Variants in PLA2G4A observed in about 807,000 individuals in gnomAD.
PLA2G4A encodes cytosolic phospholipase A2.
Under a neutral mutation model 81.9 loss-of-function variants are expected in PLA2G4A, and 40 were observed. The observed-to-expected ratio is 0.49, with a 90% CI of 0.38 to 0.64. The LOEUF is 0.64. Among genes scored for constraint, PLA2G4A ranks in the 30% least tolerant of loss-of-function variants. PLA2G4A has a pLI of 0.00. For missense variants in PLA2G4A, 715 were observed against 905.1 expected, an observed-to-expected ratio of 0.79 and a Z score of 2.69; for synonymous variants, 302 against 296.9, an observed-to-expected ratio of 1.02 and a Z score of -0.18.
In PLA2G4A at chr1:186,835,278, G is replaced by A. The variant is rs555348800; in HGVS notation, c.-70+6243G>A. Among the ~76,000 whole-genome samples, 18 of 152,262 alleles carry A rather than the reference G, an allele frequency of 1.2e-4. No homozygotes were observed. In the South Asian group the frequency reaches 3.7e-3, roughly 31 times the overall value. ...AAAAAAGTATTTTTGCAGAATTCTT[G>A]GATCTATAAGAAGAGACAGTGTCTG... is the stretch of plus-strand genomic sequence containing the variant. On this transcript the variant is annotated intron_variant, in intron 1 of 17. Transcript: ENST00000367466.
chr1:186,975,647 T>C (rs2102292681), intron 15 of PLA2G4A, among the ~76,000 whole-genome samples: 1 of 152,274 alleles, frequency 6.6e-6, no homozygotes, highest in South Asian at 2.1e-4. Flanking sequence ...TGAGATGGGA[T>C]TGGGAGCCTG....
Position 186,890,851 on chromosome 1 carries a change from C to CAA in PLA2G4A, c.116-2146_116-2145dup, listed in dbSNP as rs11390247. On this transcript the variant is annotated intron_variant, in intron 3 of 17. Transcript: ENST00000367466. ...CTGGCAACAGAGCAAGACTCTGTCT[C>CAA]AAAAAAAAAAAAAAAGGAAAAGAAA... Among the ~76,000 whole-genome samples the CAA allele has an allele frequency of 1.2e-3, 161 of 130,596 alleles. 1 individual carries two copies. The highest frequency in any genetic ancestry group is 4.0e-3 in the Middle Eastern group (1 of 248). 85.7% of individuals were successfully genotyped at this position (130,596 alleles called of 152,430 possible). A position where few individuals can be genotyped will look rare whatever the true frequency, so the allele number is the denominator to read the frequency against.
chr1:186,957,623 A>G (rs897938116), intron 14 of PLA2G4A, among the ~76,000 whole-genome samples: 2 of 152,222 alleles, frequency 1.3e-5, no homozygotes, highest in Non-Finnish European at 2.9e-5. Flanking sequence ...GCCAGCCTGT[A>G]GTGTTCACTA....
intron 1 of PLA2G4A, among the ~76,000 whole-genome samples, chr1:186,834,005 T>C (rs1651689319): frequency 6.6e-6 from 1 of 152,194 alleles, no homozygotes; most frequent in South Asian, 2.1e-4. Flanking sequence ...TTCCCCAATC[T>C]TCCTCTTCAT....
At chr1:186,962,482 TTTATTTTATTTA>T (rs1240450680) in intron 14 of PLA2G4A, among the ~76,000 whole-genome samples, 1 of 127,616 alleles carries the variant, frequency 7.8e-6, no homozygotes, top group Non-Finnish European at 1.6e-5. Flanking sequence ...TTGTAGTTAT[TTTATTTTATTTA>T]TTTATTTATT....
chr1:186,876,253 T>C (rs1016352068), intron 3 of PLA2G4A, among the ~76,000 whole-genome samples: 3 of 152,168 alleles, frequency 2.0e-5, no homozygotes, highest in African/African-American at 7.2e-5. Flanking sequence ...ATAAAGTAGA[T>C]ATTCTAAATA....
intron 7 of PLA2G4A, among the ~76,000 whole-genome samples, chr1:186,921,352 G>C (rs1232710164): frequency 6.6e-6 from 1 of 152,194 alleles, no homozygotes; most frequent in African/African-American, 2.4e-5. Flanking sequence ...AGGATTATGA[G>C]TCTGTATAAT....
At chr1:186,963,787 G>T (rs1657038666) in intron 14 of PLA2G4A, among the ~76,000 whole-genome samples, 1 of 152,084 alleles carries the variant, frequency 6.6e-6, no homozygotes, top group South Asian at 2.1e-4. Context: ...TAGAACGTTG[G>T]ATATTAATGT....
rs148309263 is a variant in PLA2G4A at position 186,897,602 on chromosome 1, A to G, written c.378+3391A>G. Among the ~76,000 whole-genome samples, 1,051 of 152,160 alleles carry G rather than the reference A, an allele frequency of 6.9e-3. 15 individuals carry two copies. The highest frequency in any genetic ancestry group is 0.023 in the African/African-American group (942 of 41,504). On this transcript the variant is annotated intron_variant, in intron 5 of 17. Transcript: ENST00000367466. ...TGCTTCACTGCAACTTCTGCCTCCCAAGTTCAAGCCATTCCCGTGTCTCAG... is the reference window on the plus strand; with the variant it reads ...TGCTTCACTGCAACTTCTGCCTCCCGAGTTCAAGCCATTCCCGTGTCTCAG...
chr1:186,977,763 C>T lies in PLA2G4A; in HGVS notation c.1935C>T (p.Ile645=). Residue 645 remains isoleucine (I), a synonymous_variant, in exon 16 of 18, where the codon ATC becomes ATT. Transcript: ENST00000367466. ...TCATCCACTTTGTTCTGGCCAACAT[C>T]AACTTCAGAAAGTACAGGGCTCCAG... ...PTIIHFVLAN[I]NFRKYRAPGV... 1 of 1,612,822 alleles carries T rather than the reference C, an allele frequency of 6.2e-7. No homozygotes were observed. Among genetic ancestry groups the T allele is most frequent in the African/African-American group, 1.3e-5 (1 of 75,000 alleles).
At chr1:186,988,333 G>A (rs761731128) in intron 17 of PLA2G4A, 44 bp from the exon 18 acceptor site, 1 of 1,510,654 alleles carries the variant, frequency 6.6e-7, no homozygotes, top group East Asian at 2.3e-5. Flanking sequence ...ATATAAATGA[G>A]TTCATAGCAG....
intron 3 of PLA2G4A, among the ~76,000 whole-genome samples, chr1:186,891,350 T>C (rs1654131619): frequency 1.3e-5 from 2 of 152,182 alleles, no homozygotes; most frequent in South Asian, 4.1e-4. Context: ...AATTAGGTTA[T>C]TATTGACTAT....
intron 2 of PLA2G4A, among the ~76,000 whole-genome samples, chr1:186,856,097 C>CA (rs1652541152): frequency 6.6e-6 from 1 of 151,898 alleles, no homozygotes; most frequent in Admixed American, 6.6e-5. Flanking sequence ...CATGCATGTA[C>CA]ACGCACATGC....
At chr1:186,978,322 G>C (rs1241311375) in intron 16 of PLA2G4A, among the ~76,000 whole-genome samples, 1 of 151,952 alleles carries the variant, frequency 6.6e-6, no homozygotes, top group Admixed American at 6.6e-5. Context: ...TGTGTATCCT[G>C]GAAAATGTTG....
At chr1:186,914,480 CCCTGAGTGAGTAATT>C (rs1304852847) in intron 7 of PLA2G4A, among the ~76,000 whole-genome samples, 1 of 149,454 alleles carries the variant, frequency 6.7e-6, no homozygotes, top group Non-Finnish European at 1.5e-5. Context: ...GAGCCGAGCT[CCCTGAGTGAGTAATT>C]CCTATCCCTT....
intron 1 of PLA2G4A, among the ~76,000 whole-genome samples, chr1:186,851,313 A>G (rs962226412): frequency 2.0e-5 from 3 of 152,028 alleles, no homozygotes; most frequent in Admixed American, 6.6e-5. Flanking sequence ...TAAAGGCTTC[A>G]TGCTCTTGGG....
chr1:186,869,368 C>T (rs1277736877), intron 2 of PLA2G4A, among the ~76,000 whole-genome samples: 1 of 152,038 alleles, frequency 6.6e-6, no homozygotes, highest in Admixed American at 6.6e-5. Flanking sequence ...GATTTTTATG[C>T]TTCCCTGCCT....
intron 2 of PLA2G4A, among the ~76,000 whole-genome samples, chr1:186,858,660 T>G (rs1652681554): frequency 1.3e-5 from 2 of 152,134 alleles, no homozygotes; most frequent in South Asian, 4.1e-4. Context: ...CTTGAAAATT[T>G]TGTTAACTAT....
At chr1:186,870,118 A>C (rs1231694774) in intron 2 of PLA2G4A, among the ~76,000 whole-genome samples, 1 of 152,144 alleles carries the variant, frequency 6.6e-6, no homozygotes, top group Non-Finnish European at 1.5e-5. Flanking sequence ...AGGGCTTCCT[A>C]GTCAACAAGT....
Sources: allele counts gnomAD v4.1 joint callset (sites outside exome capture counted in the v4.1 genomes callset), GRCh38; gene constraint gnomAD v4.1.1; transcripts MANE v1.5; gene names NCBI Gene and HGNC (gene_info 2026-07-23, HGNC 2026-07-21).